Variants in VGLL4 observed in about 807,000 individuals in gnomAD.
The protein encoded by VGLL4 is transcription cofactor vestigial-like protein 4.
VGLL4 carries 7 observed loss-of-function variants against 21.0 expected under a neutral mutation model. The observed-to-expected ratio is 0.33, with a 90% confidence interval of 0.19 to 0.63. The LOEUF is 0.63. Among genes scored for constraint, VGLL4 ranks in the 20% least tolerant of loss-of-function variants. VGLL4 has a pLI of 0.78. For missense variants in VGLL4, 394 were observed against 425.7 expected (o/e 0.93, Z 0.66); for synonymous variants, 222 against 173.2 (o/e 1.28, Z -2.21).
chr3:11,583,269 T>C (rs994584919), intron 2 of VGLL4, among the ~76,000 whole-genome samples: 1 of 152,182 alleles, frequency 6.6e-6, no homozygotes, highest in Non-Finnish European at 1.5e-5. Context: ...CCAGAGGTTC[T>C]AATTATAAAA....
chr3:11,643,923 A>C (rs985398951), upstream of VGLL4: 2 of 1,006,240 alleles, frequency 2.0e-6, no homozygotes, highest in Non-Finnish European at 2.4e-6. Flanking sequence ...TATGCTTGGC[A>C]TGACTCCTAT....
intron 3 of VGLL4, among the ~76,000 whole-genome samples, chr3:11,562,139 C>T (rs2073076621): frequency 6.6e-6 from 1 of 152,064 alleles, no homozygotes; most frequent in South Asian, 2.1e-4. Flanking sequence ...CTCAAGTGAT[C>T]CGCCGCCTCA....
At chr3:11,623,156 C>T (rs2075296763) in intron 1 of VGLL4, among the ~76,000 whole-genome samples, 2 of 152,134 alleles carry the variant, frequency 1.3e-5, no homozygotes, top group Non-Finnish European at 2.9e-5. Context: ...AATCAAAGCC[C>T]CTCACTAAGT....
At chr3:11,602,117 A>C in intron 1 of VGLL4, 95 bp from the exon 2 acceptor site, 1 of 1,249,082 alleles carries the variant, frequency 8.0e-7, no homozygotes, top group South Asian at 1.9e-5. Context: ...CCCTTACAAA[A>C]CTACTCCCAG....
At chr3:11,593,740 A>G (rs945835469) in intron 2 of VGLL4, among the ~76,000 whole-genome samples, 1 of 152,232 alleles carries the variant, frequency 6.6e-6, no homozygotes, top group Non-Finnish European at 1.5e-5. Flanking sequence ...GGGCTCCAGC[A>G]AACACTTCAA....
chr3:11,576,969 C>T lies in VGLL4; in HGVS notation c.273-11950G>A, dbSNP rs142630865. Among the ~76,000 whole-genome samples, 369 of 152,344 alleles carry T rather than the reference C, an allele frequency of 2.4e-3. 1 individual carries two copies. The highest frequency in any genetic ancestry group is 8.2e-3 in the African/African-American group (341 of 41,588). On this transcript the variant is annotated intron_variant, in intron 2 of 4. Coordinates refer to ENST00000430365, the MANE Select transcript of VGLL4 (RefSeq NM_001128219.3). ...TGCAAGTCACTGTCTAGAACAGGGC[C>T]TGGCACACAACTATTTTATGAATGA...
At chr3:11,647,941 A>G (rs552453946), upstream of VGLL4, among the ~76,000 whole-genome samples, 2 of 152,172 alleles carry the variant, frequency 1.3e-5, no homozygotes, top group African/African-American at 4.8e-5. Context: ...CCTTTAAGAA[A>G]CACCATGTAG....
intron 1 of VGLL4, among the ~76,000 whole-genome samples, chr3:11,621,563 T>C (rs1016324493): frequency 8.5e-5 from 13 of 152,218 alleles, no homozygotes; most frequent in Admixed American, 3.3e-4. Context: ...ATTTTATCCA[T>C]TCATCAGCTG....
chr3:11,695,760 G>A (rs924903764), intron 2 of VGLL4, among the ~76,000 whole-genome samples: 9 of 152,086 alleles, frequency 5.9e-5, no homozygotes, highest in Non-Finnish European at 1.2e-4. Flanking sequence ...TGAGGATCGC[G>A]GATAGCAGCG....
chr3:11,596,691 C>T (rs1454020672), intron 2 of VGLL4, among the ~76,000 whole-genome samples: 6 of 152,252 alleles, frequency 3.9e-5, no homozygotes, highest in East Asian at 3.9e-4. Context: ...GATATGGTAG[C>T]GAACGGCCAC....
At chr3:11,714,500 G>A (rs951383405) in intron 1 of VGLL4, among the ~76,000 whole-genome samples, 1 of 151,044 alleles carries the variant, frequency 6.6e-6, no homozygotes, top group South Asian at 2.1e-4. Context: ...AGTCCAGACT[G>A]GCCTACATGG....
intron 1 of VGLL4, among the ~76,000 whole-genome samples, chr3:11,637,604 T>G (rs908031539): frequency 5.3e-5 from 8 of 152,202 alleles, no homozygotes; most frequent in Non-Finnish European, 1.2e-4. Context: ...GATTAAAACA[T>G]TCTATACATA....
chr3:11,565,141 T>G lies in VGLL4; in HGVS notation c.273-122A>C, dbSNP rs973581240. 3.6e-5 allele frequency: 37 copies of G among 1,017,976 alleles called. 1 individual carries two copies. Among genetic ancestry groups the G allele is most frequent in the Admixed American group, 2.1e-4 (5 of 24,114 alleles). 63.1% of individuals were successfully genotyped at this position (1,017,976 alleles called of 1,614,324 possible). On this transcript the variant is annotated intron_variant, in intron 2 of 4. Coordinates refer to ENST00000430365, the MANE Select transcript of VGLL4 (RefSeq NM_001128219.3). This position sits in a 1 kb window ranked among gnomAD's most constrained non-coding sequence, Gnocchi z 4.1. ...TACCCTGAAGCTCAGGTCGTGTGGC[T>G]GGGCAGCACGATGAGGAGCCGGTTG...
chr3:11,627,301 G>C (rs1009949646), intron 1 of VGLL4: 2 of 151,654 alleles, frequency 1.3e-5, no homozygotes, highest in African/African-American at 4.9e-5. Context: ...AATGTGTCCA[G>C]GCGCAGTGGC....
rs114697640 is a variant in VGLL4, at chr3:11,681,821, G to A, written c.64+21150C>T. On this transcript the variant is annotated intron_variant, in intron 2 of 5. Transcript: ENST00000273038. ...CCAGCGAGTAAGATTCGAGAAGGGC[G>A]TTTCAGGCAGGGAGCATAGCTGCTG... Among the ~76,000 whole-genome samples, 311 of 152,348 alleles carry A rather than the reference G, an allele frequency of 2.0e-3. 2 individuals are homozygous for A. The highest frequency in any genetic ancestry group is 7.3e-3 in the African/African-American group (304 of 41,578).
At chr3:11,602,504 T>A (rs1168881445) in intron 1 of VGLL4, among the ~76,000 whole-genome samples, 1 of 152,122 alleles carries the variant, frequency 6.6e-6, no homozygotes, top group Non-Finnish European at 1.5e-5. Flanking sequence ...ATGAGGAAAG[T>A]GTGTGGGCTA....
chr3:11,671,302 G>T, intron 2 of VGLL4: 1 of 1,584,056 alleles, frequency 6.3e-7, no homozygotes, highest in Non-Finnish European at 8.6e-7. Context: ...TGAGTGCACA[G>T]GACTCAGGGA....
At chr3:11,662,513 T>A (rs2076051955) in intron 2 of VGLL4, among the ~76,000 whole-genome samples, 1 of 152,244 alleles carries the variant, frequency 6.6e-6, no homozygotes. Context: ...AACAACATTT[T>A]ATGTGCAGTA....
intron 1 of VGLL4, among the ~76,000 whole-genome samples, chr3:11,635,441 G>A (rs1263785042): frequency 1.3e-5 from 2 of 152,342 alleles, no homozygotes; most frequent in East Asian, 3.9e-4. Flanking sequence ...GATGAATTCA[G>A]AAGAGCTTGC....
Sources: gnomAD v4.1 joint callset for allele counts (sites outside exome capture counted in the v4.1 genomes callset) on GRCh38, gnomAD v4.1.1 for gene constraint, Gnocchi (gnomAD v3.1) non-coding constraint, MANE v1.5 for transcripts, NCBI Gene and HGNC (gene_info 2026-07-23, HGNC 2026-07-21) for gene names.